The following AUTS2 variants were observed in gnomAD, a reference collection of about 807,000 sequenced individuals.
AUTS2 encodes activator of transcription and developmental regulator AUTS2, also known as autism susceptibility gene 2 protein.
In AUTS2, 17 loss-of-function variants were observed where a neutral mutation model predicts 112.4. The ratio of observed to expected loss-of-function variants is 0.15; its 90% CI spans 0.10 to 0.23. AUTS2 has a LOEUF of 0.23. Among genes scored for constraint, AUTS2 ranks in the 10% least tolerant of loss-of-function variants. AUTS2 has a pLI of 1.00. For synonymous variants in AUTS2, 751 were observed against 702.7 expected (o/e 1.07, Z -1.09); for missense variants, 1,510 against 1,701.6 (o/e 0.89, Z 1.98).
intron 5 of AUTS2, among the ~76,000 whole-genome samples, chr7:70,637,647 G>A (rs771228925): frequency 2.0e-5 from 3 of 152,196 alleles, no homozygotes; most frequent in Admixed American, 6.5e-5. Flanking sequence ...AGAGGTAGGC[G>A]TTGTTCTTCC....
rs552302805 is a variant in AUTS2, at chr7:70,315,446, G to C, written c.661-120306G>C. 2.6e-5 allele frequency among the ~76,000 whole-genome samples: 4 copies of C among 152,228 alleles called. No homozygotes were observed. In the South Asian group the frequency reaches 6.2e-4, roughly 24 times the overall value. ...TCAGATGGTTGTGAGGATGAAATTA[G>C]CAAATACATGCCATGTGCTTAGCAG... On this transcript the variant is annotated intron_variant, in intron 4 of 18. Coordinates refer to ENST00000342771, the MANE Select transcript of AUTS2 (RefSeq NM_015570.4).
intron 1 of AUTS2, among the ~76,000 whole-genome samples, chr7:69,611,311 G>A (rs892117799): frequency 1.3e-5 from 2 of 152,182 alleles, no homozygotes; most frequent in Non-Finnish European, 1.5e-5. Flanking sequence ...GCCACCTGGG[G>A]AGGGAGCAAA....
chr7:70,723,327 G>A (rs1262803260), intron 6 of AUTS2, among the ~76,000 whole-genome samples: 1 of 152,082 alleles, frequency 6.6e-6, no homozygotes, highest in African/African-American at 2.4e-5. Flanking sequence ...AAGTTTCATG[G>A]TTGTTCTGGG....
intron 6 of AUTS2, among the ~76,000 whole-genome samples, chr7:70,716,549 C>T (rs12155001): frequency 0.78 from 116,430 of 149,874 alleles, 45,230 homozygotes; most frequent in East Asian, 0.94. Flanking sequence ...AGGAGAATGG[C>T]GTGAACCCGG....
intron 4 of AUTS2, among the ~76,000 whole-genome samples, chr7:70,206,885 A>C (rs943764484): frequency 5.9e-5 from 9 of 152,284 alleles, no homozygotes; most frequent in African/African-American, 2.2e-4. Context: ...TCTGGGACTT[A>C]AGGTGGATTT....
chr7:70,597,367 T>A (rs1218648746), intron 5 of AUTS2, among the ~76,000 whole-genome samples: 2 of 152,224 alleles, frequency 1.3e-5, no homozygotes, highest in Admixed American at 6.5e-5. Context: ...TCGCTGTGTT[T>A]TCCACATTCT....
Position 69,927,205 on chromosome 7 carries a change from T to TATATATATAC in AUTS2, c.522+27708_522+27709insTATATATACA, listed in dbSNP as rs967968951. 1.6e-3 allele frequency among the ~76,000 whole-genome samples: 237 copies of TATATATATAC among 147,456 alleles called. 1 individual carries two copies. Among genetic ancestry groups the TATATATATAC allele is most frequent in the Non-Finnish European group, 2.9e-3 (196 of 66,998 alleles). The stretch of plus-strand genomic sequence containing the variant: ...ATATATTTATATATATATATATATA[T>TATATATATAC]ACATACTATATATATCTTTAATTTA... On this transcript the variant is annotated intron_variant, in intron 2 of 18. Coordinates refer to ENST00000342771, the MANE Select transcript of AUTS2 (RefSeq NM_015570.4).
intron 6 of AUTS2, among the ~76,000 whole-genome samples, chr7:70,718,021 T>C (rs1810474071): frequency 6.6e-6 from 1 of 152,180 alleles, no homozygotes; most frequent in African/African-American, 2.4e-5. Context: ...ATTGCAACCT[T>C]AGCTTACCTC....
At chr7:70,597,021 A>G (rs180846252) in intron 5 of AUTS2, among the ~76,000 whole-genome samples, 1 of 152,182 alleles carries the variant, frequency 6.6e-6, no homozygotes, top group Non-Finnish European at 1.5e-5. Flanking sequence ...GAGTTTATAT[A>G]ATTATAGTGC....
intron 2 of AUTS2, among the ~76,000 whole-genome samples, chr7:70,094,007 C>T (rs1001372010): frequency 6.6e-6 from 1 of 152,186 alleles, no homozygotes; most frequent in African/African-American, 2.4e-5. Context: ...TTTAGATGCA[C>T]AGATGCTCAT....
chr7:69,856,796 A>G (rs948854406), intron 1 of AUTS2, among the ~76,000 whole-genome samples: 4 of 152,202 alleles, frequency 2.6e-5, no homozygotes, highest in African/African-American at 9.7e-5. Flanking sequence ...TCTACAGGAC[A>G]CAGTTGGATC....
In AUTS2 at chr7:70,630,559, C is replaced by T. The variant is rs147379274; in HGVS notation, c.691-68010C>T. 1.6e-3 allele frequency among the ~76,000 whole-genome samples: 242 copies of T among 152,300 alleles called. 3 individuals carry two copies. The highest frequency in any genetic ancestry group is 2.4e-3 in the Admixed American group (37 of 15,292). ...CCCTGGTTTTCTTTCTCTCTCTTTCCTGCTCTTCCTCTCCTGCCTGCTGTT... is the reference window on the plus strand; with the variant it reads ...CCCTGGTTTTCTTTCTCTCTCTTTCTTGCTCTTCCTCTCCTGCCTGCTGTT... On this transcript the variant is annotated intron_variant, in intron 5 of 18. Coordinates refer to ENST00000342771, the MANE Select transcript of AUTS2 (RefSeq NM_015570.4).
At chr7:69,815,274 T>C (rs533822141) in intron 1 of AUTS2, among the ~76,000 whole-genome samples, 1 of 152,334 alleles carries the variant, frequency 6.6e-6, no homozygotes, top group South Asian at 2.1e-4. Context: ...CTTCTTTTAT[T>C]GAAATTGGGG....
At position 70,443,057 on chromosome 7, in the gene AUTS2, C is replaced by A. The variant is rs368692619; in HGVS notation, c.690+7276C>A. 1.1e-4 allele frequency among the ~76,000 whole-genome samples: 17 copies of A among 152,260 alleles called. No homozygotes were observed. The East Asian group carries it at 2.5e-3, about 22-fold the overall frequency. On this transcript the variant is annotated intron_variant, in intron 5 of 18. Coordinates refer to ENST00000342771, the MANE Select transcript of AUTS2 (RefSeq NM_015570.4). ...TTTCAGGCAAAACCAAAAATTACTT[C>A]ACTTATACTGAACATGTATGTACAA...
At chr7:70,261,274 C>T (rs1787156636) in intron 4 of AUTS2, among the ~76,000 whole-genome samples, 1 of 152,132 alleles carries the variant, frequency 6.6e-6, no homozygotes, top group African/African-American at 2.4e-5. Context: ...CTAGAACCAA[C>T]AAAACTTATC....
intron 5 of AUTS2, among the ~76,000 whole-genome samples, chr7:70,618,332 C>A (rs948959456): frequency 6.6e-6 from 1 of 152,168 alleles, no homozygotes; most frequent in African/African-American, 2.4e-5. Context: ...CCTCTCTAAC[C>A]TCCTGTGATC....
chr7:69,797,904 T>G (rs545498519), intron 1 of AUTS2, among the ~76,000 whole-genome samples: 144 of 152,296 alleles, frequency 9.5e-4, no homozygotes, highest in African/African-American at 3.2e-3. Flanking sequence ...AAAGTCTCTT[T>G]ACTTTCGAAA....
chr7:69,600,284 A>T (rs966926833), intron 1 of AUTS2, among the ~76,000 whole-genome samples: 1 of 151,744 alleles, frequency 6.6e-6, no homozygotes, highest in Non-Finnish European at 1.5e-5. Context: ...CTCCACAGAG[A>T]GCTCTGCCCC....
In AUTS2 at chr7:70,423,836, G is replaced by A. The variant is rs145958969; in HGVS notation, c.661-11916G>A. 5.0e-3 allele frequency among the ~76,000 whole-genome samples: 759 copies of A among 152,214 alleles called. 3 individuals carry two copies. Among genetic ancestry groups the A allele is most frequent in the Non-Finnish European group, 7.5e-3 (512 of 68,026 alleles). On this transcript the variant is annotated intron_variant, in intron 4 of 18. Coordinates refer to ENST00000342771, the MANE Select transcript of AUTS2 (RefSeq NM_015570.4). ...TTCTGTTTTCGTGTAGCATAGTATT[G>A]AGTCTTTAAACACGTCCTGAGCAGA...
Sources: allele counts gnomAD v4.1 joint callset (sites outside exome capture counted in the v4.1 genomes callset), GRCh38; gene constraint gnomAD v4.1.1; transcripts MANE v1.5; gene names NCBI Gene and HGNC (gene_info 2026-07-23, HGNC 2026-07-21).